PTPRJ: variants seen among roughly 807,000 people sequenced by gnomAD.
PTPRJ encodes receptor-type tyrosine-protein phosphatase eta.
A neutral mutation model predicts 141.3 loss-of-function variants in PTPRJ; 129 were observed. That is an observed-to-expected ratio of 0.91 (90% confidence interval 0.79 to 1.06). The LOEUF is 1.06. Among genes scored for constraint, PTPRJ ranks in the 50% least tolerant of loss-of-function variants. The pLI, the probability that PTPRJ is intolerant of heterozygous loss-of-function variation, is 0.00. For missense variants in PTPRJ, 1,601 were observed against 1,679.7 expected, an observed-to-expected ratio of 0.95 and a Z score of 0.82; for synonymous variants, 610 against 640.5, an observed-to-expected ratio of 0.95 and a Z score of 0.72.
Position 48,139,519 on chromosome 11 carries a change from T to C in PTPRJ, c.2186T>C (p.Val729Ala). The C allele has an allele frequency of 1.2e-6, 2 of 1,614,164 alleles. No individual in the cohort carries two copies. The highest frequency in any genetic ancestry group is 1.6e-4 in the Middle Eastern group (1 of 6,062). ...PASMASFDCE[V>A]VPKEPALVLK... ...TCCATGGCCTCCTTCGACTGCGAAG[T>C]GGTCCCCAAAGAGCCAGCCCTGGTT... Residue 729 changes from valine (V) to alanine (A), a missense_variant, in exon 11 of 25, where the codon GTG becomes GCG. Physicochemically the swap from Val to Ala is moderately conservative, Grantham distance 64. Coordinates refer to ENST00000418331, the MANE Select transcript of PTPRJ (RefSeq NM_002843.4).
chr11:47,992,466 C>T (rs1249819220), intron 1 of PTPRJ, among the ~76,000 whole-genome samples: 1 of 152,144 alleles, frequency 6.6e-6, no homozygotes, highest in Non-Finnish European at 1.5e-5. Flanking sequence ...AGTCACCGCG[C>T]CCAAGTATAG....
Position 48,084,268 on chromosome 11 carries a change from C to T in PTPRJ, c.97-25790C>T, listed in dbSNP as rs548877517. On this transcript the variant is annotated intron_variant, in intron 1 of 24. Transcript: ENST00000418331. ...CTTGGCTTATTGCAACCTCTGCCTC[C>T]GGGTTCAAGCGATTCTCCTGCTTCA... 1.2e-4 allele frequency among the ~76,000 whole-genome samples: 18 copies of T among 152,186 alleles called. 1 individual carries two copies. Among genetic ancestry groups the T allele is most frequent in the Non-Finnish European group, 2.4e-4 (16 of 68,002 alleles).
In PTPRJ at chr11:48,160,669, C is replaced by T. The variant is rs1360842228; in HGVS notation, c.3558+620C>T. 2.6e-5 allele frequency among the ~76,000 whole-genome samples: 4 copies of T among 152,080 alleles called. No homozygotes were observed. In the East Asian group the frequency reaches 7.7e-4, roughly 29 times the overall value. On this transcript the variant is annotated intron_variant, in intron 22 of 24. Coordinates refer to ENST00000418331, the MANE Select transcript of PTPRJ (RefSeq NM_002843.4). ...AACTCTCTGCTGTTTATATCACAGG[C>T]CTAAACATTAGGCATGTGCTGGCTT...
rs1268397881 is a variant in PTPRJ at position 48,125,047 on chromosome 11, C to G, written c.954C>G (p.Asp318Glu). 6.2e-7 allele frequency: 1 copy of G among 1,614,006 alleles called. No individual in the cohort carries two copies. The highest frequency in any genetic ancestry group is 8.5e-7 in the Non-Finnish European group (1 of 1,180,028). ...ATGAGTCCCTCGTGGGACCTGTGGA[C>G]CCATCCTCCGGCCAGCAGTCCCGAG... ...VHDESLVGPV[D>E]PSSGQQSRDT... is the part of the protein sequence containing the mutation. The change falls in exon 6 of 25, where the codon GAC (aspartate) becomes GAG (glutamate). Residue 318 changes from aspartate to glutamate, a missense_variant. By Grantham distance (45) the Asp-to-Glu change is conservative. Transcript: ENST00000418331.
intron 1 of PTPRJ, among the ~76,000 whole-genome samples, chr11:48,008,270 T>C (rs1468889541): frequency 6.6e-6 from 1 of 152,208 alleles, no homozygotes; most frequent in Non-Finnish European, 1.5e-5. Context: ...ATTTATTTAT[T>C]TATTTTTTGA....
intron 1 of PTPRJ, among the ~76,000 whole-genome samples, chr11:48,062,298 G>A (rs1854958707): frequency 6.6e-6 from 1 of 151,990 alleles, no homozygotes; most frequent in African/African-American, 2.4e-5. Flanking sequence ...CGGATCATGA[G>A]GTCAGGAGAT....
chr11:48,024,083 A>C (rs1011093121), intron 1 of PTPRJ, among the ~76,000 whole-genome samples: 3 of 152,082 alleles, frequency 2.0e-5, no homozygotes, highest in Admixed American at 2.0e-4. Context: ...ACCTGTATTC[A>C]CATTCCTCCC....
At chr11:48,131,385 C>G in intron 8 of PTPRJ, 1 of 644,700 alleles carries the variant, frequency 1.6e-6, no homozygotes, top group South Asian at 1.9e-5. Context: ...ACCCAGCCCA[C>G]AAATATATAT....
intron 1 of PTPRJ, among the ~76,000 whole-genome samples, chr11:48,059,700 G>C (rs1569171): frequency 0.1 from 15,257 of 152,168 alleles, 1,462 homozygotes; most frequent in African/African-American, 0.25. Flanking sequence ...ACTTCCATAG[G>C]TCTTACTCTG....
At chr11:48,143,952 C>T (rs1462643493) in intron 12 of PTPRJ, among the ~76,000 whole-genome samples, 1 of 151,470 alleles carries the variant, frequency 6.6e-6, no homozygotes, top group Non-Finnish European at 1.5e-5. Flanking sequence ...CTCCTGGACT[C>T]AAGTAATCCT....
Position 48,158,426 on chromosome 11 carries a change from C to T in PTPRJ, c.3439-1504C>T, listed in dbSNP as rs1400225383. ...ATATGTTATTTTTTTTCTGTAACAA[C>T]CCTGTGAGGTATTATGATTTCATAG... On this transcript the variant is annotated intron_variant, in intron 21 of 24. Coordinates refer to ENST00000418331, the MANE Select transcript of PTPRJ (RefSeq NM_002843.4). The surrounding 1 kb of genome is among the most constrained non-coding windows in gnomAD (Gnocchi z 4.4). Among the ~76,000 whole-genome samples, 2 of 151,916 alleles carry T rather than the reference C, an allele frequency of 1.3e-5. No individual in the cohort carries two copies. Among genetic ancestry groups the T allele is most frequent in the East Asian group, 3.9e-4 (2 of 5,182 alleles).
intron 1 of PTPRJ, among the ~76,000 whole-genome samples, chr11:48,073,759 A>G (rs771135746): frequency 1.3e-5 from 2 of 152,224 alleles, no homozygotes; most frequent in Non-Finnish European, 2.9e-5. Context: ...TATTATTTAA[A>G]AAATTTCTAT....
Position 48,136,083 on chromosome 11 carries a change from A to G in PTPRJ, c.1660A>G (p.Thr554Ala). The G allele has an allele frequency of 6.2e-7, 1 of 1,614,154 alleles. No individual in the cohort carries two copies. Among genetic ancestry groups the G allele is most frequent in the Non-Finnish European group, 8.5e-7 (1 of 1,180,002 alleles). The change falls in exon 9 of 25, where the codon ACG becomes GCG. Residue 554 changes from threonine (T) to alanine (A), a missense_variant. Thr to Ala is a moderately conservative substitution (Grantham distance 58, BLOSUM62 0). Coordinates refer to ENST00000418331, the MANE Select transcript of PTPRJ (RefSeq NM_002843.4). ...CATCCACGTGGTCTACGTCACCACC[A>G]CGGAGATGTGGCTGGACTGGAAGAG... ...FDIHVVYVTT[T>A]EMWLDWKSPD...
At chr11:48,070,905 A>G (rs921617778) in intron 1 of PTPRJ, among the ~76,000 whole-genome samples, 11 of 152,238 alleles carry the variant, frequency 7.2e-5, no homozygotes, top group Non-Finnish European at 1.5e-4. Context: ...GGACAGAACT[A>G]TTTTTATATT....
At chr11:48,065,004 CTTTTTTTTT>C (rs61139660) in intron 1 of PTPRJ, among the ~76,000 whole-genome samples, 3 of 117,208 alleles carry the variant, frequency 2.6e-5, no homozygotes, top group African/African-American at 3.8e-5. Context: ...CCTCAACTAC[CTTTTTTTTT>C]TTTTTTTTTT....
intron 1 of PTPRJ, among the ~76,000 whole-genome samples, chr11:47,987,780 T>A (rs1854088510): frequency 6.6e-6 from 1 of 152,154 alleles, no homozygotes; most frequent in East Asian, 1.9e-4. Context: ...TGTAGGAAGT[T>A]TGTTATTACT....
In PTPRJ at chr11:48,130,582, C is replaced by T. The variant is rs748707513; in HGVS notation, c.1481C>T (p.Ser494Phe). 1.2e-5 allele frequency: 20 copies of T among 1,613,976 alleles called. No homozygotes were observed. The highest frequency in any genetic ancestry group is 8.5e-7 in the Non-Finnish European group (1 of 1,180,024). Residue 494 changes from serine to phenylalanine, a missense_variant, in exon 8 of 25, where the codon TCT becomes TTT. Coordinates refer to ENST00000418331, the MANE Select transcript of PTPRJ (RefSeq NM_002843.4). ...MHITQEGAGNSRVEITTNQSI... is the reference protein window; with the variant it reads ...MHITQEGAGNFRVEITTNQSI... ...ATCACACAGGAGGGAGCTGGCAATT[C>T]TCGGGTAGAAATAACCACCAACCAA...
rs1857991072 is a variant in PTPRJ at position 48,168,941 on chromosome 11, T to C, written c.*1579T>C. The C allele has an allele frequency of 6.6e-6, 1 of 152,126 alleles. No individual in the cohort carries two copies. The highest frequency in any genetic ancestry group is 2.1e-4 in the South Asian group (1 of 4,830). 9.4% of individuals were successfully genotyped at this position (152,126 alleles called of 1,614,324 possible). ...AAGGTTTTATGAAGGAATAACCAAG[T>C]CCCTGGAGTCCTGTGGCTGTTGCCA... On this transcript the variant is annotated 3_prime_UTR_variant, in exon 25 of 25. Coordinates refer to ENST00000418331, the MANE Select transcript of PTPRJ (RefSeq NM_002843.4).
In PTPRJ at chr11:48,170,255, A is replaced by G. The variant is rs1020235798; in HGVS notation, c.*2893A>G. 2 of 152,178 alleles carry G rather than the reference A, an allele frequency of 1.3e-5. No individual in the cohort carries two copies. The highest frequency in any genetic ancestry group is 2.9e-5 in the Non-Finnish European group (2 of 68,052). The allele number at this position is 152,178 out of a possible 1,614,324, so 9.4% of individuals were successfully genotyped here. A position where few individuals can be genotyped will look rare whatever the true frequency, so the allele number is the denominator to read the frequency against. On this transcript the variant is annotated 3_prime_UTR_variant, in exon 25 of 25. Transcript: ENST00000418331. ...CCATTGATAGCATCTCCCAGGAACA[A>G]CGACTTTTTGCCTCCAAAGTTGGAT... is the stretch of plus-strand genomic sequence containing the variant.
Sources: gnomAD v4.1 joint callset for allele counts (sites outside exome capture counted in the v4.1 genomes callset) on GRCh38, gnomAD v4.1.1 for gene constraint, Gnocchi (gnomAD v3.1) non-coding constraint, MANE v1.5 for transcripts, NCBI Gene and HGNC (gene_info 2026-07-23, HGNC 2026-07-21) for gene names.